Variants in SEL1L observed in about 807,000 individuals in gnomAD.
SEL1L encodes SEL1L adaptor subunit of SYVN1 ubiquitin ligase, also known as protein sel-1 homolog 1.
A neutral mutation model predicts 109.8 loss-of-function variants in SEL1L; 52 were observed. That is an observed-to-expected ratio of 0.47 (90% CI 0.38 to 0.60). SEL1L has a LOEUF of 0.60. Among genes scored for constraint, SEL1L ranks in the 20% least tolerant of loss-of-function variants. SEL1L has a pLI of 0.00. For missense variants in SEL1L, 749 were observed against 962.2 expected (o/e 0.78, Z 2.93); for synonymous variants, 373 against 339.6 (o/e 1.10, Z -1.08).
intron 19 of SEL1L, among the ~76,000 whole-genome samples, chr14:81,482,394 G>C (rs1903386741): frequency 6.6e-6 from 1 of 152,044 alleles, no homozygotes; most frequent in Admixed American, 6.5e-5. Context: ...TAAAAATAAA[G>C]TCAGCTGGGT....
chr14:81,482,785 G>A (rs1903399475), intron 19 of SEL1L, among the ~76,000 whole-genome samples: 1 of 152,106 alleles, frequency 6.6e-6, no homozygotes, highest in South Asian at 2.1e-4. Context: ...TGTGAACAAA[G>A]CAGCAGCATT....
rs1016265247 is a variant in SEL1L, at chr14:81,471,903, TCA to T, written c.*5067_*5068del. ...TACCTCCTTTTGAACTGATTAACGC[TCA>T]CTTTTTCTTATTCGTAAAAAAATAC... On this transcript the variant is annotated 3_prime_UTR_variant, in exon 21 of 21. Coordinates refer to ENST00000336735, the MANE Select transcript of SEL1L (RefSeq NM_005065.6). The T allele has an allele frequency of 1.3e-5, 2 of 152,194 alleles. No homozygotes were observed. The highest frequency in any genetic ancestry group is 2.4e-5 in the African/African-American group (1 of 41,432). 9.4% of individuals were successfully genotyped at this position (152,194 alleles called of 1,614,324 possible).
Position 81,473,592 on chromosome 14 carries a change from T to C in SEL1L, c.*3380A>G, listed in dbSNP as rs534190859. 1 of 152,326 alleles carries C rather than the reference T, an allele frequency of 6.6e-6. No individual in the cohort carries two copies. Among genetic ancestry groups the C allele is most frequent in the African/African-American group, 2.4e-5 (1 of 41,590 alleles). The allele number at this position is 152,326 out of a possible 1,614,324, so 9.4% of individuals were successfully genotyped here. A position where few individuals can be genotyped will look rare whatever the true frequency, so the allele number is the denominator to read the frequency against. On this transcript the variant is annotated 3_prime_UTR_variant, in exon 21 of 21. Transcript: ENST00000336735. ...GTAATACATATATATATTATGAGATTCACTTTCAAAACAAATATCAGCTGT... is the reference window on the plus strand; with the variant it reads ...GTAATACATATATATATTATGAGATCCACTTTCAAAACAAATATCAGCTGT...
Position 81,487,547 on chromosome 14 carries a change from A to G in SEL1L, c.1484-9T>C, listed in dbSNP as rs192734314. 1 of 1,584,850 alleles carries G rather than the reference A, an allele frequency of 6.3e-7. No homozygotes were observed. Among genetic ancestry groups the G allele is most frequent in the East Asian group, 2.2e-5 (1 of 44,638 alleles). ...CTTGACTCCAATGCCATCTGTAAGAAAAAAAAAAATCACACGAGATAATAG... is the reference window on the plus strand; with the variant it reads ...CTTGACTCCAATGCCATCTGTAAGAGAAAAAAAAATCACACGAGATAATAG... On this transcript the variant is annotated splice_polypyrimidine_tract_variant and intron_variant, in intron 15 of 20. Transcript: ENST00000336735.
chr14:81,502,909 A>G, intron 5 of SEL1L, 26 bp from the exon 6 acceptor site: 2 of 1,557,410 alleles, frequency 1.3e-6, no homozygotes, highest in Non-Finnish European at 1.7e-6. Flanking sequence ...ATTAAAAACC[A>G]AATTAGTAAT....
chr14:81,509,375 A>G (rs1884371797), intron 3 of SEL1L, among the ~76,000 whole-genome samples: 1 of 152,250 alleles, frequency 6.6e-6, no homozygotes, highest in African/African-American at 2.4e-5. Flanking sequence ...TAAATTAGCG[A>G]TAACCAGTAT....
intron 3 of SEL1L, among the ~76,000 whole-genome samples, chr14:81,506,979 G>A (rs1395847560): frequency 6.6e-6 from 1 of 152,170 alleles, no homozygotes; most frequent in Non-Finnish European, 1.5e-5. Flanking sequence ...TCCCCTCTCA[G>A]GAACTGAGGT....
intron 11 of SEL1L, among the ~76,000 whole-genome samples, chr14:81,494,683 T>C (rs1883672286): frequency 1.3e-5 from 2 of 152,330 alleles, no homozygotes; most frequent in South Asian, 4.1e-4. Context: ...TCTACTTCTC[T>C]TTACAGAAGT....
chr14:81,508,528 C>G (rs1884333157), intron 3 of SEL1L, among the ~76,000 whole-genome samples: 2 of 152,082 alleles, frequency 1.3e-5, no homozygotes, highest in Admixed American at 1.3e-4. Flanking sequence ...GGGCAGATCA[C>G]TTGAACCCAG....
chr14:81,503,879 GACA>G (rs1376390109), intron 5 of SEL1L, among the ~76,000 whole-genome samples: 5 of 152,202 alleles, frequency 3.3e-5, no homozygotes, highest in East Asian at 1.9e-4. Context: ...AAACGTACTT[GACA>G]ACAATTCTTT....
At position 81,502,814 on chromosome 14, in the gene SEL1L, A is replaced by G. The variant is rs35377988; in HGVS notation, c.684T>C (p.Ala228=). Residue 228 remains alanine (A), a synonymous_variant, in exon 6 of 21, where the codon GCT becomes GCC. Transcript: ENST00000336735. ...HTKALERVSY[A]LLFGDYLPQN... is the part of the protein sequence containing the mutation. The stretch of plus-strand genomic sequence containing the variant: ...GTGGCAAGTAATCACCAAATAAAAG[A>G]GCATATGACACTCTCTCCAGGGCTT... 9,930 of 1,614,052 alleles carry G rather than the reference A, an allele frequency of 6.2e-3. 559 individuals are homozygous for G. In the African/African-American group the frequency reaches 0.12, roughly 19 times the overall value.
intron 19 of SEL1L, 27 bp downstream of exon 19, chr14:81,484,198 T>A: frequency 6.3e-7 from 1 of 1,579,656 alleles, no homozygotes; most frequent in South Asian, 1.1e-5. Context: ...ATTATGTGAT[T>A]CAAACGTGTT....
chr14:81,502,466 C>T (rs931275084), intron 6 of SEL1L, among the ~76,000 whole-genome samples: 5 of 152,304 alleles, frequency 3.3e-5, no homozygotes, highest in African/African-American at 1.2e-4. Flanking sequence ...ATATTTCATT[C>T]TCTACAGATC....
In SEL1L at chr14:81,486,427, G is replaced by A; in HGVS notation, c.1660C>T (p.Arg554Cys). 3.1e-6 allele frequency: 5 copies of A among 1,613,832 alleles called. No individual in the cohort carries two copies. Among genetic ancestry groups the A allele is most frequent in the Non-Finnish European group, 4.2e-6 (5 of 1,179,900 alleles). ...GCAGTCATAAGCCTTTCAGACCAAC[G>A]GCCTCGTTCACATACATTCTTAAAC... ...ELFKNVCERG[R>C]WSERLMTAYN... is the part of the protein sequence containing the mutation. The change falls in exon 17 of 21, where the codon CGT becomes TGT. Residue 554 changes from arginine to cysteine, a missense_variant. This residue lies in a region of SEL1L where 383 missense variants were observed against 562.5 expected (regional missense o/e 0.68). Transcript: ENST00000336735.
At chr14:81,479,512 G>A in intron 20 of SEL1L, 100 bp downstream of exon 20, 11 of 1,250,938 alleles carry the variant, frequency 8.8e-6, no homozygotes, top group Non-Finnish European at 1.2e-5. Context: ...GATACCTGCA[G>A]GACCACTCTT....
chr14:81,528,569 A>T (rs1443665817), intron 1 of SEL1L, among the ~76,000 whole-genome samples: 1 of 152,174 alleles, frequency 6.6e-6, no homozygotes, highest in Non-Finnish European at 1.5e-5. Context: ...CTCAATGTTC[A>T]GATGGAAATG....
chr14:81,486,580 G>A, intron 16 of SEL1L, 126 bp from the exon 17 acceptor site: 1 of 813,820 alleles, frequency 1.2e-6, no homozygotes, highest in Non-Finnish European at 1.9e-6. Flanking sequence ...CAGCTTTCTT[G>A]AACAGACATA....
At chr14:81,477,295 G>A (rs1323786309) in intron 20 of SEL1L, 114 bp from the exon 21 acceptor site, 8 of 745,674 alleles carry the variant, frequency 1.1e-5, no homozygotes, top group East Asian at 8.8e-5. Flanking sequence ...TTTTAAAAAC[G>A]TTTTGCAATG....
chr14:81,527,108 T>C, intron 2 of SEL1L, 144 bp from the exon 3 acceptor site: 1 of 645,440 alleles, frequency 1.5e-6, no homozygotes, highest in Non-Finnish European at 2.7e-6. Flanking sequence ...GGCTTTGGCA[T>C]GTGTCCATCA....
Sources: gnomAD v4.1 joint callset for allele counts (sites outside exome capture counted in the v4.1 genomes callset) on GRCh38, gnomAD v4.1.1 for gene constraint, gnomAD v4.1.1 regional missense constraint, MANE v1.5 for transcripts, NCBI Gene and HGNC (gene_info 2026-07-23, HGNC 2026-07-21) for gene names.